Variants in KCNAB2 observed in about 807,000 individuals in gnomAD.
KCNAB2 encodes voltage-gated potassium channel subunit beta-2.
A neutral mutation model predicts 63.6 loss-of-function variants in KCNAB2; 29 were observed. The observed-to-expected ratio is 0.46, with a 90% CI of 0.34 to 0.62. The LOEUF (loss-of-function observed/expected upper bound fraction) is 0.62. Among genes scored for constraint, KCNAB2 ranks in the 20% least tolerant of loss-of-function variants. The pLI is 0.01. For missense variants in KCNAB2, 359 were observed against 563.9 expected, an observed-to-expected ratio of 0.64 and a Z score of 3.68; for synonymous variants, 222 against 224.2, an observed-to-expected ratio of 0.99 and a Z score of 0.09.
At chr1:6,010,027 C>T (rs1261381095) in intron 1 of KCNAB2, among the ~76,000 whole-genome samples, 1 of 152,052 alleles carries the variant, frequency 6.6e-6, no homozygotes, top group African/African-American at 2.4e-5. Context: ...CACATCACCA[C>T]ACCCAGCTAA....
At chr1:5,999,497 G>C (rs967392675) in intron 1 of KCNAB2, among the ~76,000 whole-genome samples, 2 of 152,362 alleles carry the variant, frequency 1.3e-5, no homozygotes, top group Non-Finnish European at 1.5e-5. Context: ...GCTCCGGCGA[G>C]AAGGGCTTTG....
chr1:5,993,264 C>T (rs946862007), intron 1 of KCNAB2, among the ~76,000 whole-genome samples: 1 of 151,940 alleles, frequency 6.6e-6, no homozygotes, highest in African/African-American at 2.4e-5. Context: ...GTCGTTCTCG[C>T]TGCCTGTCCC....
exon 2 of KCNAB2, chr1:6,040,560 G>C: frequency 6.2e-7 from 1 of 1,613,692 alleles, no homozygotes. Context: ...GATAAGTGAG[G>C]CTGGCTCCAT....
At chr1:6,032,032 C>T (rs1386967462), upstream of KCNAB2, among the ~76,000 whole-genome samples, 2 of 152,188 alleles carry the variant, frequency 1.3e-5, no homozygotes, top group African/African-American at 4.8e-5. Flanking sequence ...GAAAGAGTCT[C>T]ACCAGCAATG....
intron 1 of KCNAB2, among the ~76,000 whole-genome samples, chr1:6,001,286 C>A (rs1657240830): frequency 6.9e-6 from 1 of 144,322 alleles, no homozygotes; most frequent in South Asian, 2.2e-4. Context: ...GCTCCAGCTG[C>A]ATGTGATCAC....
chr1:6,048,251 T>C (rs1661096569), intron 1 of KCNAB2, among the ~76,000 whole-genome samples: 1 of 152,256 alleles, frequency 6.6e-6, no homozygotes, highest in South Asian at 2.1e-4. Flanking sequence ...CCCTGCCTGC[T>C]GGCCCCTGGT....
upstream of KCNAB2, among the ~76,000 whole-genome samples, chr1:6,032,613 A>G (rs2100400964): frequency 6.6e-6 from 1 of 152,104 alleles, no homozygotes; most frequent in East Asian, 1.9e-4. Flanking sequence ...CAAGCAAGAA[A>G]GAAAGAGAAA....
At chr1:6,033,608 G>A (rs181872765), upstream of KCNAB2, among the ~76,000 whole-genome samples, 1 of 152,260 alleles carries the variant, frequency 6.6e-6, no homozygotes, top group Admixed American at 6.5e-5. Flanking sequence ...GAGTATATGG[G>A]TATTTATTGC....
rs1659324639 is a variant in KCNAB2 at position 6,028,082 on chromosome 1, A to G, written c.-52-12435A>G. ...TGGGCCTTTCTTCCAGATCCCCATC[A>G]TGACCCACCAGGCCAACGGCCCCCT... is the stretch of plus-strand genomic sequence containing the variant. On this transcript the variant is annotated intron_variant, in intron 1 of 16. Coordinates refer to the KCNAB2 transcript ENST00000341524. The surrounding 1 kb of genome is among the most constrained non-coding windows in gnomAD (Gnocchi z 4.0). 6.6e-6 allele frequency among the ~76,000 whole-genome samples: 1 copy of G among 152,182 alleles called. No homozygotes were observed. Among genetic ancestry groups the G allele is most frequent in the Admixed American group, 6.5e-5 (1 of 15,284 alleles).
chr1:6,020,500 C>T lies in KCNAB2; in HGVS notation c.-52-20017C>T, dbSNP rs143470921. 2.6e-3 allele frequency among the ~76,000 whole-genome samples: 391 copies of T among 152,164 alleles called. 8 individuals are homozygous for T. In the East Asian group the frequency reaches 0.055, roughly 21 times the overall value. On this transcript the variant is annotated intron_variant, in intron 1 of 16. Transcript: ENST00000341524. ...CCATGACAAGAACACACCAGGATCG[C>T]GTCCCTTTCCAAGCAGAATTTTCCC... is the stretch of plus-strand genomic sequence containing the variant.
At chr1:6,009,168 A>G (rs1159781466) in intron 1 of KCNAB2, among the ~76,000 whole-genome samples, 2 of 152,186 alleles carry the variant, frequency 1.3e-5, no homozygotes, top group African/African-American at 4.8e-5. Context: ...CAGCTCTCCA[A>G]GTCCCCCTGG....
intron 2 of KCNAB2, among the ~76,000 whole-genome samples, chr1:6,063,766 G>T (rs886621207): frequency 1.3e-5 from 2 of 152,162 alleles, no homozygotes; most frequent in African/African-American, 4.8e-5. Context: ...GCTACATCCT[G>T]TTTCTCCATT....
At chr1:6,097,141 G>C in intron 14 of KCNAB2, 128 bp from the exon 15 acceptor site, 1 of 1,086,550 alleles carries the variant, frequency 9.2e-7, no homozygotes, top group Non-Finnish European at 1.3e-6. Context: ...GCACTGCAGG[G>C]CTTCCTAGAC....
At chr1:6,046,434 G>T (rs1230599545) in intron 1 of KCNAB2, among the ~76,000 whole-genome samples, 1 of 152,232 alleles carries the variant, frequency 6.6e-6, no homozygotes, top group Non-Finnish European at 1.5e-5. Flanking sequence ...GCTTGAGTCT[G>T]CTCACAGCCC....
chr1:6,098,285 C>T, intron 15 of KCNAB2, 200 bp from the exon 16 acceptor site: 3 of 1,398,330 alleles, frequency 2.1e-6, no homozygotes, highest in Non-Finnish European at 2.8e-6. Flanking sequence ...TGCACAGACC[C>T]AGGCATGCTT....
rs1664783828 is a variant in KCNAB2, at chr1:6,087,302, C to T, written c.426-165C>T. ...GAGGAGCCCACGCACCCCGGCTGGG[C>T]ACGTGGTACACATCATATGATGGAG... On this transcript the variant is annotated intron_variant, in intron 6 of 15. Transcript: ENST00000378083. This position sits in a 1 kb window ranked among gnomAD's most constrained non-coding sequence, Gnocchi z 6.4. 6.6e-6 allele frequency among the ~76,000 whole-genome samples: 1 copy of T among 152,222 alleles called. No individual in the cohort carries two copies. The highest frequency in any genetic ancestry group is 1.5e-5 in the Non-Finnish European group (1 of 68,044).
At chr1:6,030,166 A>G (rs1659484937), upstream of KCNAB2, among the ~76,000 whole-genome samples, 1 of 152,240 alleles carries the variant, frequency 6.6e-6, no homozygotes, top group Non-Finnish European at 1.5e-5. Flanking sequence ...AAGCGCTAAG[A>G]TGAATTCTGT....
At chr1:6,039,100 G>T (rs747184652) in intron 1 of KCNAB2, among the ~76,000 whole-genome samples, 1 of 152,234 alleles carries the variant, frequency 6.6e-6, no homozygotes, top group Non-Finnish European at 1.5e-5. Flanking sequence ...GTCGGCCGGG[G>T]AGCAGCAGGG....
upstream of KCNAB2, among the ~76,000 whole-genome samples, chr1:6,042,388 T>C (rs1449271801): frequency 6.6e-6 from 1 of 152,166 alleles, no homozygotes; most frequent in African/African-American, 2.4e-5. Flanking sequence ...CTTTCTGATA[T>C]GTTTTTCTGT....
Sources: allele counts gnomAD v4.1 joint callset (sites outside exome capture counted in the v4.1 genomes callset), GRCh38; gene constraint gnomAD v4.1.1; non-coding constraint Gnocchi (gnomAD v3.1); transcripts MANE v1.5; gene names NCBI Gene and HGNC (gene_info 2026-07-23, HGNC 2026-07-21).